VAMP7: variants seen among roughly 807,000 people sequenced by gnomAD.
VAMP7 encodes the protein vesicle-associated membrane protein 7.
A neutral mutation model predicts 29.6 loss-of-function variants in VAMP7; 14 were observed. The observed-to-expected ratio is 0.47, with a 90% CI of 0.31 to 0.74. The LOEUF (loss-of-function observed/expected upper bound fraction) is 0.74. VAMP7 is among the 30% of genes least tolerant of loss of function. VAMP7 has a pLI of 0.05. For synonymous variants in VAMP7, 95 were observed against 88.1 expected, an observed-to-expected ratio of 1.08 and a Z score of -0.44; for missense variants, 223 against 262.4, an observed-to-expected ratio of 0.85 and a Z score of 1.04.
At position 155,919,749 on chromosome X, in the gene VAMP7, A is replaced by T. The variant is rs746282214; in HGVS notation, c.434-64A>T. The T allele has an allele frequency of 7.7e-4, 1,113 of 1,453,376 alleles. No individual in the cohort carries two copies. The highest frequency in any genetic ancestry group is 9.9e-4 in the Non-Finnish European group (1,032 of 1,041,892). 90.0% of individuals were successfully genotyped at this position (1,453,376 alleles called of 1,614,324 possible). The stretch of plus-strand genomic sequence containing the variant: ...ATTCATTAAGTTATATTACTTTTTT[A>T]AAAAAAGTTTATTTTATTCTACAAT... On this transcript the variant is annotated intron_variant, in intron 5 of 7. Coordinates refer to ENST00000286448, the MANE Select transcript of VAMP7 (RefSeq NM_005638.6).
intron 7 of VAMP7, among the ~76,000 whole-genome samples, chrX:155,941,006 A>C (rs969563597): frequency 6.6e-6 from 1 of 152,138 alleles, no homozygotes; most frequent in Admixed American, 6.6e-5. Context: ...GATCTCAAAA[A>C]GTTGTAATTT....
At chrX:155,933,253 G>C (rs1158459781) in intron 6 of VAMP7, among the ~76,000 whole-genome samples, 1 of 152,118 alleles carries the variant, frequency 6.6e-6, no homozygotes, top group Non-Finnish European at 1.5e-5. Flanking sequence ...ATTTTCTATT[G>C]ATAGGAATAG....
intron 5 of VAMP7, among the ~76,000 whole-genome samples, chrX:155,908,693 G>A (rs936704760): frequency 1.1e-3 from 169 of 152,166 alleles, no homozygotes; most frequent in Non-Finnish European, 1.5e-3. Flanking sequence ...ATTTTGGAAA[G>A]ATTTGTGAAA....
At chrX:155,928,944 A>C (rs2066509276) in intron 6 of VAMP7, among the ~76,000 whole-genome samples, 1 of 152,204 alleles carries the variant, frequency 6.6e-6, no homozygotes, top group Admixed American at 6.5e-5. Context: ...TGAATTATTT[A>C]TTGTGAATTA....
rs977115691 is a variant in VAMP7, at chrX:155,941,916, G to T, written c.628G>T (p.Gly210Cys). 6.2e-7 allele frequency: 1 copy of T among 1,613,526 alleles called. No individual in the cohort carries two copies. Among genetic ancestry groups the T allele is most frequent in the Non-Finnish European group, 8.5e-7 (1 of 1,179,784 alleles). ...FIYIIVSPLC[G>C]GFTWPSCVKK Reference sequence around the variant, plus strand: ...CTATATCATTGTTTCACCTCTCTGTGGTGGATTTACATGGCCAAGCTGTGT... The same window carrying T: ...CTATATCATTGTTTCACCTCTCTGTTGTGGATTTACATGGCCAAGCTGTGT... The change falls in exon 8 of 8, where the codon GGT becomes TGT. Residue 210 changes from glycine (G) to cysteine (C), a missense_variant. Physicochemically the swap from Gly to Cys is radical, Grantham distance 159. Coordinates refer to ENST00000286448, the MANE Select transcript of VAMP7 (RefSeq NM_005638.6).
At chrX:155,913,723 T>C (rs754591913) in intron 5 of VAMP7, among the ~76,000 whole-genome samples, 1 of 152,266 alleles carries the variant, frequency 6.6e-6, no homozygotes, top group Admixed American at 6.5e-5. Context: ...TTCTGTTCCA[T>C]TGGTCTATGT....
chrX:155,892,741 G>GTAA (rs1556322736), intron 2 of VAMP7, among the ~76,000 whole-genome samples: 3 of 145,890 alleles, frequency 2.1e-5, no homozygotes, highest in African/African-American at 7.6e-5. Context: ...TTTTCACACT[G>GTAA]TATTATTATT....
At chrX:155,936,354 G>A (rs1263855407) in intron 6 of VAMP7, among the ~76,000 whole-genome samples, 3 of 152,190 alleles carry the variant, frequency 2.0e-5, no homozygotes, top group Non-Finnish European at 2.9e-5. Flanking sequence ...CACCCAGTTC[G>A]AGCTTCCCGG....
At chrX:155,917,906 C>T (rs1480419065) in intron 5 of VAMP7, among the ~76,000 whole-genome samples, 4 of 152,150 alleles carry the variant, frequency 2.6e-5, no homozygotes, top group Admixed American at 2.6e-4. Flanking sequence ...ACTGAGTCCA[C>T]AGCCACCCCT....
Position 155,926,519 on chromosome X carries a change from C to T in VAMP7, c.501+6639C>T, listed in dbSNP as rs745721740. Among the ~76,000 whole-genome samples, 10 of 152,312 alleles carry T rather than the reference C, an allele frequency of 6.6e-5. No homozygotes were observed. In the East Asian group the frequency reaches 1.2e-3, roughly 18 times the overall value. On this transcript the variant is annotated intron_variant, in intron 6 of 7. Coordinates refer to ENST00000286448, the MANE Select transcript of VAMP7 (RefSeq NM_005638.6). ...ATAGAGTTGAAGAGTTAGGGCCTTG[C>T]TCTGTATTAGGCTTTGGCCTAAGGA...
intron 6 of VAMP7, among the ~76,000 whole-genome samples, chrX:155,936,909 G>T (rs905917828): frequency 2.9e-4 from 44 of 152,106 alleles, no homozygotes; most frequent in African/African-American, 9.7e-4. Flanking sequence ...TTTAACCAAG[G>T]ATGTAATAAT....
intron 6 of VAMP7, among the ~76,000 whole-genome samples, chrX:155,923,710 AATT>A (rs1420965764): frequency 1.3e-5 from 2 of 151,972 alleles, no homozygotes; most frequent in Non-Finnish European, 2.9e-5. Context: ...GTTTTCATCA[AATT>A]ATGAAAATGT....
intron 5 of VAMP7, among the ~76,000 whole-genome samples, chrX:155,901,037 A>G (rs1407679129): frequency 6.6e-6 from 1 of 152,040 alleles, no homozygotes; most frequent in Non-Finnish European, 1.5e-5. Context: ...CCCTCTTGCT[A>G]TGAAAATGTC....
At chrX:155,889,410 A>G in intron 1 of VAMP7, 48 bp from the exon 2 acceptor site, 1 of 1,588,002 alleles carries the variant, frequency 6.3e-7, no homozygotes, top group Admixed American at 1.8e-5. Context: ...CCTTTGAAAG[A>G]TTATGTCAAA....
At chrX:155,900,428 C>T (rs2066045563) in intron 4 of VAMP7, 69 bp from the exon 5 acceptor site, 1 of 1,187,514 alleles carries the variant, frequency 8.4e-7, no homozygotes, top group Non-Finnish European at 1.2e-6. Flanking sequence ...AATTGTCATT[C>T]CCCTTATTTT....
chrX:155,893,595 G>A (rs1283205241), intron 2 of VAMP7, among the ~76,000 whole-genome samples: 1 of 152,298 alleles, frequency 6.6e-6, no homozygotes, highest in South Asian at 2.1e-4. Context: ...CGCTAATTCA[G>A]TTCTTGATGA....
rs2066071952 is a variant in VAMP7, at chrX:155,902,134, A to G, written c.433+1547A>G. Among the ~76,000 whole-genome samples the G allele has an allele frequency of 9.2e-5, 14 of 152,214 alleles. No individual in the cohort carries two copies. The East Asian group carries it at 2.5e-3, about 27-fold the overall frequency. ...TAGGTATTTTATTCTCTTTGAAGCAACTGTGAATGGGAGTTCACTCATGAT... is the reference window on the plus strand; with the variant it reads ...TAGGTATTTTATTCTCTTTGAAGCAGCTGTGAATGGGAGTTCACTCATGAT... On this transcript the variant is annotated intron_variant, in intron 5 of 7. Coordinates refer to ENST00000286448, the MANE Select transcript of VAMP7 (RefSeq NM_005638.6).
intron 3 of VAMP7, among the ~76,000 whole-genome samples, chrX:155,897,487 T>C (rs1255051230): frequency 6.6e-6 from 1 of 152,182 alleles, no homozygotes; most frequent in Non-Finnish European, 1.5e-5. Flanking sequence ...AAATCTGGGA[T>C]AGTTAGAGTC....
chrX:155,940,470 G>A (rs906547941), intron 7 of VAMP7, among the ~76,000 whole-genome samples: 1 of 152,172 alleles, frequency 6.6e-6, no homozygotes, highest in African/African-American at 2.4e-5. Flanking sequence ...GGAAGTAATT[G>A]TCATGGCCTT....
Sources: allele counts gnomAD v4.1 joint callset (sites outside exome capture counted in the v4.1 genomes callset), GRCh38; gene constraint gnomAD v4.1.1; transcripts MANE v1.5; gene names NCBI Gene and HGNC (gene_info 2026-07-23, HGNC 2026-07-21).